GRIN2B: variants seen among roughly 807,000 people sequenced by gnomAD.
The protein encoded by GRIN2B is glutamate receptor ionotropic, NMDA 2B.
Under a neutral mutation model 114.5 loss-of-function variants are expected in GRIN2B, and 5 were observed. The ratio of observed to expected loss-of-function variants is 0.04; its 90% CI spans 0.02 to 0.09. The LOEUF is 0.09. GRIN2B is among the 10% of genes least tolerant of loss of function. GRIN2B has a pLI of 1.00. For synonymous variants in GRIN2B, 787 were observed against 745.1 expected (o/e 1.06, Z -0.92); for missense variants, 1,108 against 1,943.5 (o/e 0.57, Z 8.08).
chr12:13,794,435 G>A (rs577459355), intron 3 of GRIN2B, among the ~76,000 whole-genome samples: 1 of 152,118 alleles, frequency 6.6e-6, no homozygotes, highest in Non-Finnish European at 1.5e-5. Context: ...TGTCCAACTA[G>A]AATGAGCTAT....
At chr12:13,589,076 T>C (rs1948970326) in intron 10 of GRIN2B, among the ~76,000 whole-genome samples, 1 of 152,186 alleles carries the variant, frequency 6.6e-6, no homozygotes, top group Non-Finnish European at 1.5e-5. Context: ...ACTAAAATCA[T>C]ATTCACAATT....
intron 2 of GRIN2B, among the ~76,000 whole-genome samples, chr12:13,909,616 C>T (rs769171296): frequency 1.3e-5 from 2 of 152,214 alleles, no homozygotes; most frequent in Non-Finnish European, 2.9e-5. Flanking sequence ...AAGCAGATTG[C>T]ATCCAGCGGC....
intron 5 of GRIN2B, among the ~76,000 whole-genome samples, chr12:13,643,655 A>C (rs558994388): frequency 1.3e-5 from 2 of 152,186 alleles, no homozygotes; most frequent in Non-Finnish European, 2.9e-5. Context: ...CATTTTACCC[A>C]CAACAGAACT....
chr12:13,903,284 T>C (rs1866485513), intron 2 of GRIN2B, among the ~76,000 whole-genome samples: 1 of 152,154 alleles, frequency 6.6e-6, no homozygotes, highest in Non-Finnish European at 1.5e-5. Flanking sequence ...CTCTTTTAAT[T>C]TTATTCTCCT....
chr12:13,823,635 A>C (rs1184717946), intron 3 of GRIN2B, among the ~76,000 whole-genome samples: 1 of 152,066 alleles, frequency 6.6e-6, no homozygotes, highest in East Asian at 1.9e-4. Context: ...CTTTCTCATC[A>C]ATATTCTATT....
intron 3 of GRIN2B, among the ~76,000 whole-genome samples, chr12:13,793,279 G>A (rs1864352094): frequency 6.6e-6 from 1 of 152,158 alleles, no homozygotes; most frequent in Non-Finnish European, 1.5e-5. Context: ...AAATTAGCCA[G>A]GAGTGGTGGT....
intron 3 of GRIN2B, among the ~76,000 whole-genome samples, chr12:13,862,421 A>G (rs1047990036): frequency 6.6e-6 from 1 of 152,228 alleles, no homozygotes; most frequent in African/African-American, 2.4e-5. Context: ...GTTAAAACAG[A>G]CTGACAATTA....
At position 13,894,209 on chromosome 12, in the gene GRIN2B, G is replaced by A. The variant is rs180990995; in HGVS notation, c.-18-27983C>T. Among the ~76,000 whole-genome samples the A allele has an allele frequency of 4.7e-3, 712 of 152,126 alleles. 4 individuals carry two copies. The highest frequency in any genetic ancestry group is 0.014 in the South Asian group (67 of 4,818). ...TAAAAATGTGCATACCTTTGACCCC[G>A]TAATTCAATTTCTGGGAATCTTTCC... On this transcript the variant is annotated intron_variant, in intron 2 of 13. Coordinates refer to ENST00000609686, the MANE Select transcript of GRIN2B (RefSeq NM_000834.5).
intron 4 of GRIN2B, among the ~76,000 whole-genome samples, chr12:13,743,437 T>C (rs1004455756): frequency 6.6e-6 from 1 of 152,138 alleles, no homozygotes; most frequent in Non-Finnish European, 1.5e-5. Flanking sequence ...TGAGTCATAG[T>C]CTCTAATATG....
intron 4 of GRIN2B, among the ~76,000 whole-genome samples, chr12:13,681,020 C>G (rs1473902009): frequency 6.6e-6 from 1 of 152,092 alleles, no homozygotes; most frequent in African/African-American, 2.4e-5. Context: ...TTCTGCCTCT[C>G]TGACTCTGGC....
chr12:13,961,969 T>C (rs1867700421), intron 2 of GRIN2B, among the ~76,000 whole-genome samples: 1 of 152,146 alleles, frequency 6.6e-6, no homozygotes, highest in Admixed American at 6.5e-5. Context: ...GCATTTCAAA[T>C]ATGCTGGTCC....
At chr12:13,707,744 A>G (rs1950373762) in intron 4 of GRIN2B, among the ~76,000 whole-genome samples, 1 of 152,106 alleles carries the variant, frequency 6.6e-6, no homozygotes, top group African/African-American at 2.4e-5. Flanking sequence ...TGCTTTGTGG[A>G]CAGTAAAATT....
At position 13,553,340 on chromosome 12, in the gene GRIN2B, A is replaced by G. The variant is rs111617481; in HGVS notation, c.*9443T>C. 3 of 152,352 alleles carry G rather than the reference A, an allele frequency of 2.0e-5. No individual in the cohort carries two copies. Among genetic ancestry groups the G allele is most frequent in the African/African-American group, 7.2e-5 (3 of 41,584 alleles). 9.4% of individuals were successfully genotyped at this position (152,352 alleles called of 1,614,324 possible). The stretch of plus-strand genomic sequence containing the variant: ...AGAAAGGAGTAGTTTAGAGACTAGC[A>G]TTCTCTCTGAGCCAGCTCATTCAAA... On this transcript the variant is annotated 3_prime_UTR_variant, in exon 14 of 14. Coordinates refer to ENST00000609686, the MANE Select transcript of GRIN2B (RefSeq NM_000834.5).
intron 4 of GRIN2B, among the ~76,000 whole-genome samples, chr12:13,711,785 GTA>G (rs1429323982): frequency 6.6e-6 from 1 of 152,186 alleles, no homozygotes; most frequent in African/African-American, 2.4e-5. Context: ...TGGTGGAACT[GTA>G]AACTAGTTCA....
rs1948461810 is a variant in GRIN2B at position 13,555,025 on chromosome 12, G to A, written c.*7758C>T. 1 of 152,090 alleles carries A rather than the reference G, an allele frequency of 6.6e-6. No homozygotes were observed. Among genetic ancestry groups the A allele is most frequent in the Non-Finnish European group, 1.5e-5 (1 of 68,024 alleles). 9.4% of individuals were successfully genotyped at this position (152,090 alleles called of 1,614,324 possible). ...AGGTAGGGGCTAAAAGTGAAGATTT[G>A]GGATTCATCTTCATTCAAAGAGTTA... On this transcript the variant is annotated 3_prime_UTR_variant, in exon 14 of 14. Coordinates refer to ENST00000609686, the MANE Select transcript of GRIN2B (RefSeq NM_000834.5).
chr12:13,598,261 C>A (rs1949102118), intron 10 of GRIN2B, among the ~76,000 whole-genome samples: 1 of 152,204 alleles, frequency 6.6e-6, no homozygotes, highest in Non-Finnish European at 1.5e-5. Flanking sequence ...GACAGCACCC[C>A]TCCTGACTCT....
intron 2 of GRIN2B, among the ~76,000 whole-genome samples, chr12:13,927,957 ACC>A (rs1432692312): frequency 1.5e-4 from 12 of 79,304 alleles, no homozygotes; most frequent in South Asian, 5.2e-4. Flanking sequence ...ACAGAGCAAG[ACC>A]CTGTCTCAAA....
chr12:13,658,175 C>A (rs910654021), intron 5 of GRIN2B, among the ~76,000 whole-genome samples: 8 of 151,504 alleles, frequency 5.3e-5, no homozygotes, highest in African/African-American at 1.9e-4. Context: ...CCATTGCACT[C>A]CAGCCTGGGC....
intron 2 of GRIN2B, among the ~76,000 whole-genome samples, chr12:13,941,765 A>G (rs1415079224): frequency 2.0e-5 from 3 of 152,256 alleles, no homozygotes; most frequent in African/African-American, 7.2e-5. Context: ...TGTCACTTCT[A>G]GATCTACGTG....
Sources: allele counts gnomAD v4.1 joint callset (sites outside exome capture counted in the v4.1 genomes callset), GRCh38; gene constraint gnomAD v4.1.1; transcripts MANE v1.5; gene names NCBI Gene and HGNC (gene_info 2026-07-23, HGNC 2026-07-21).